The following LYN variants were observed in gnomAD, a reference collection of about 807,000 sequenced individuals.
The protein encoded by LYN is tyrosine-protein kinase Lyn.
In LYN, 12 loss-of-function variants were observed where a neutral mutation model predicts 65.0. The observed-to-expected ratio is 0.18, with a 90% CI of 0.12 to 0.30. LYN has a LOEUF of 0.30. Among genes scored for constraint, LYN ranks in the 10% least tolerant of loss-of-function variants. The probability of loss-of-function intolerance (pLI) is 1.00; values close to 1 mark genes in which losing one functional copy is unlikely to be tolerated. For missense variants in LYN, 380 were observed against 623.2 expected (o/e 0.61, Z 4.16); for synonymous variants, 222 against 221.2 (o/e 1.00, Z -0.03).
chr8:55,949,527 T>TCCAATTGCTATCCAAGC (rs1806877070), intron 4 of LYN, among the ~76,000 whole-genome samples: 1 of 152,268 alleles, frequency 6.6e-6, no homozygotes, highest in Non-Finnish European at 1.5e-5. Flanking sequence ...ATTGTAGCTG[T>TCCAATTGCTATCCAAGC]TGAGTCTTGG....
intron 12 of LYN, among the ~76,000 whole-genome samples, chr8:56,007,661 A>G (rs1285308304): frequency 6.6e-6 from 1 of 152,242 alleles, no homozygotes; most frequent in Non-Finnish European, 1.5e-5. Flanking sequence ...AAGGTAAGTT[A>G]AAGGCAGAGG....
rs552878661 is a variant in LYN at position 55,882,767 on chromosome 8, G to A, written c.-6+2664G>A. 4.9e-4 allele frequency among the ~76,000 whole-genome samples: 75 copies of A among 152,320 alleles called. 1 individual carries two copies. Among genetic ancestry groups the A allele is most frequent in the African/African-American group, 1.7e-3 (70 of 41,558 alleles). The stretch of plus-strand genomic sequence containing the variant: ...TTTGAACCTCTTGTGGCTCCTATAG[G>A]ATGGAGAGGGACAGATACAGAAAAA... On this transcript the variant is annotated intron_variant, in intron 1 of 12. Coordinates refer to ENST00000519728, the MANE Select transcript of LYN (RefSeq NM_002350.4).
At chr8:55,969,569 C>T (rs1807551127) in intron 9 of LYN, 148 bp from the exon 10 acceptor site, 1 of 661,756 alleles carries the variant, frequency 1.5e-6, no homozygotes, top group Non-Finnish European at 2.7e-6. Flanking sequence ...TGACCAATGC[C>T]AGGAAAAGGC....
intron 8 of LYN, among the ~76,000 whole-genome samples, chr8:55,961,286 T>C (rs1382328490): frequency 2.0e-5 from 3 of 152,254 alleles, no homozygotes; most frequent in Admixed American, 6.5e-5. Flanking sequence ...AGACGCTTTT[T>C]ACTAGCTCAA....
intron 2 of LYN, 48 bp from the exon 3 acceptor site, chr8:55,946,400 A>G: frequency 8.0e-7 from 1 of 1,243,896 alleles, no homozygotes; most frequent in South Asian, 1.2e-5. Context: ...GAATGTGAGT[A>G]AGAAAAGCTA....
chr8:55,929,276 C>G (rs1806194846), intron 1 of LYN, among the ~76,000 whole-genome samples: 2 of 152,172 alleles, frequency 1.3e-5, no homozygotes, highest in Admixed American at 6.6e-5. Flanking sequence ...TTTCTTCCAT[C>G]TTTACTGCGT....
intron 1 of LYN, among the ~76,000 whole-genome samples, chr8:55,919,746 A>G (rs1002271901): frequency 1.3e-5 from 2 of 152,178 alleles, no homozygotes; most frequent in Non-Finnish European, 2.9e-5. Flanking sequence ...GGGGCATCCA[A>G]AAAGCCACAA....
intron 1 of LYN, among the ~76,000 whole-genome samples, chr8:55,887,753 G>A (rs1804844502): frequency 6.6e-6 from 1 of 151,566 alleles, no homozygotes; most frequent in African/African-American, 2.4e-5. Context: ...GGAATTACAG[G>A]CACACACCAC....
chr8:56,010,395 T>C lies in LYN; in HGVS notation c.*285T>C. ...TGCAGCCGTTTGAGAAGAAAACATC[T>C]ATTCTCTCCAAAAATGCACCCAACT... On this transcript the variant is annotated 3_prime_UTR_variant, in exon 13 of 13. Transcript: ENST00000519728. 2.4e-6 allele frequency: 1 copy of C among 420,630 alleles called. No homozygotes were observed. Among genetic ancestry groups the C allele is most frequent in the Non-Finnish European group, 4.4e-6 (1 of 227,102 alleles). The allele number at this position is 420,630 out of a possible 1,614,324, so 26.1% of individuals were successfully genotyped here.
intron 8 of LYN, among the ~76,000 whole-genome samples, chr8:55,962,532 G>C (rs1807316968): frequency 6.6e-6 from 1 of 151,158 alleles, no homozygotes; most frequent in African/African-American, 2.4e-5. Flanking sequence ...CCCATGTCGT[G>C]TTGGTGAGAT....
intron 1 of LYN, among the ~76,000 whole-genome samples, chr8:55,899,444 A>G (rs1805199717): frequency 6.6e-6 from 1 of 152,238 alleles, no homozygotes; most frequent in Non-Finnish European, 1.5e-5. Flanking sequence ...TAGTTTATCA[A>G]GCAGACTTTA....
chr8:55,902,965 C>T, intron 1 of LYN: 1 of 313,402 alleles, frequency 3.2e-6, no homozygotes. Context: ...TCTCCTGCCT[C>T]AGCCTCCCGA....
intron 1 of LYN, among the ~76,000 whole-genome samples, chr8:55,905,863 G>A (rs1052943369): frequency 2.2e-4 from 34 of 152,102 alleles, no homozygotes; most frequent in Admixed American, 1.3e-4. Context: ...CAAAGAGCCC[G>A]CTCCTCTGTT....
chr8:55,934,182 T>A (rs111313187), intron 1 of LYN, among the ~76,000 whole-genome samples: 1 of 151,988 alleles, frequency 6.6e-6, no homozygotes, highest in Non-Finnish European at 1.5e-5. Context: ...GCCGAGATTG[T>A]GCCATTGCAC....
intron 1 of LYN, among the ~76,000 whole-genome samples, chr8:55,905,188 A>T (rs915783292): frequency 6.6e-6 from 1 of 152,172 alleles, no homozygotes; most frequent in Non-Finnish European, 1.5e-5. Flanking sequence ...AGGCAGGCGG[A>T]TCACCTGAGG....
chr8:55,985,321 C>T (rs1459836592), intron 10 of LYN, among the ~76,000 whole-genome samples: 1 of 152,170 alleles, frequency 6.6e-6, no homozygotes, highest in Non-Finnish European at 1.5e-5. Context: ...CTGCTCTTGC[C>T]CCCACATCCT....
chr8:55,942,852 A>T (rs966126517), intron 2 of LYN, among the ~76,000 whole-genome samples: 1 of 151,402 alleles, frequency 6.6e-6, no homozygotes, highest in Non-Finnish European at 1.5e-5. Flanking sequence ...GAAATGTGGG[A>T]TGCAAGTCAG....
chr8:55,880,287 T>A (rs1219824483), intron 1 of LYN, among the ~76,000 whole-genome samples, 184 bp downstream of exon 1: 1 of 149,968 alleles, frequency 6.7e-6, no homozygotes, highest in Non-Finnish European at 1.5e-5. Flanking sequence ...GGCTCTTAGA[T>A]GTCTTCAGCC....
At chr8:56,000,441 G>C (rs1343846099) in intron 12 of LYN, among the ~76,000 whole-genome samples, 1 of 151,954 alleles carries the variant, frequency 6.6e-6, no homozygotes, top group African/African-American at 2.4e-5. Flanking sequence ...TAAGAAGAGG[G>C]ATTTCGGCCA....
Sources: allele counts gnomAD v4.1 joint callset (sites outside exome capture counted in the v4.1 genomes callset), GRCh38; gene constraint gnomAD v4.1.1; transcripts MANE v1.5; gene names NCBI Gene and HGNC (gene_info 2026-07-23, HGNC 2026-07-21).